The following ADCY10 variants were observed in gnomAD, a reference collection of about 807,000 sequenced individuals.
ADCY10 encodes adenylate cyclase 10, also known as adenylate cyclase type 10.
A neutral mutation model predicts 183.3 loss-of-function variants in ADCY10; 156 were observed. The observed-to-expected ratio is 0.85, with a 90% CI of 0.75 to 0.97. The LOEUF is 0.97. Among genes scored for constraint, ADCY10 ranks in the 50% least tolerant of loss-of-function variants. The pLI is 0.00. For synonymous variants in ADCY10, 645 were observed against 670.0 expected (o/e 0.96, Z 0.58); for missense variants, 1,745 against 1,934.3 (o/e 0.90, Z 1.84).
rs780180806 is a variant in ADCY10, at chr1:167,845,849, G to A, written c.2721C>T (p.His907=). The A allele has an allele frequency of 2.4e-5, 39 of 1,613,944 alleles. No homozygotes were observed. Among genetic ancestry groups the A allele is most frequent in the East Asian group, 6.7e-5 (3 of 44,896 alleles). The change falls in exon 21 of 33, where the codon CAC becomes CAT. Residue 907 remains histidine, a synonymous_variant. Transcript: ENST00000367851. ...GTTCACGAAGCTGTTCCTCTTCACC[G>A]TGATCTGGAGAGAGCAAAAAGGGTT... The part of the protein sequence containing the change: ...LSLKPSEGMD[H]GEEEQLRELE...
chr1:167,846,211 C>T lies in ADCY10; in HGVS notation c.2490G>A (p.Val830=), dbSNP rs1472088875. 1 of 1,614,092 alleles carries T rather than the reference C, an allele frequency of 6.2e-7. No homozygotes were observed. Among genetic ancestry groups the T allele is most frequent in the Non-Finnish European group, 8.5e-7 (1 of 1,180,058 alleles). Residue 830 remains valine, a synonymous_variant, in exon 20 of 33, where the codon GTG becomes GTA. Coordinates refer to ENST00000367851, the MANE Select transcript of ADCY10 (RefSeq NM_018417.6). ...TCAGGCCAATGATGGCAGCACATCTCACCAGCATTTGGTGGGAAAGTCTCA... is the reference window on the plus strand; with the variant it reads ...TCAGGCCAATGATGGCAGCACATCTTACCAGCATTTGGTGGGAAAGTCTCA... ...DSMRLSHQML[V]RCAAIIGLTF...
rs1669693550 is a variant in ADCY10 at position 167,904,651 on chromosome 1, T to C, written c.148+342A>G. The C allele has an allele frequency of 7.2e-5, 42 of 583,860 alleles. 1 individual carries two copies. The South Asian group carries it at 9.1e-4, about 13-fold the overall frequency. 36.2% of individuals were successfully genotyped at this position (583,860 alleles called of 1,614,324 possible). On this transcript the variant is annotated intron_variant, in intron 2 of 32. Transcript: ENST00000367851. ...TTATTAGTAAGATGTAAACATCATCTAGGGAGATCATTTCCTGAGGTCAAT... is the reference window on the plus strand; with the variant it reads ...TTATTAGTAAGATGTAAACATCATCCAGGGAGATCATTTCCTGAGGTCAAT...
chr1:167,843,560 C>G (rs1326677903), intron 21 of ADCY10, among the ~76,000 whole-genome samples: 1 of 152,106 alleles, frequency 6.6e-6, no homozygotes. Context: ...TCCCCCTTAT[C>G]CCTGTCTCAT....
chr1:167,869,664 G>GT (rs1234303740), intron 14 of ADCY10, among the ~76,000 whole-genome samples: 5 of 152,136 alleles, frequency 3.3e-5, no homozygotes, highest in Non-Finnish European at 7.4e-5. Context: ...GTTCTGTTCT[G>GT]TTTCACTGTG....
At chr1:167,901,908 A>G (rs1669454399) in intron 4 of ADCY10, 103 bp from the exon 5 acceptor site, 3 of 1,607,642 alleles carry the variant, frequency 1.9e-6, no homozygotes, top group Non-Finnish European at 2.6e-6. Flanking sequence ...TCCTCAGCCT[A>G]TCTCCTGGCC....
intron 21 of ADCY10, 56 bp from the exon 22 acceptor site, chr1:167,837,374 A>T (rs537334520): frequency 7.0e-7 from 1 of 1,437,002 alleles, no homozygotes; most frequent in East Asian, 2.3e-5. Context: ...TGCAGTGGAG[A>T]TATCTGCTGT....
intron 2 of ADCY10, chr1:167,904,740 A>C: frequency 3.3e-6 from 2 of 614,366 alleles, no homozygotes; most frequent in East Asian, 5.5e-5. Context: ...TGGGGCAGAG[A>C]TACTGGAGCA....
At chr1:167,886,167 T>A (rs990370893) in intron 8 of ADCY10, among the ~76,000 whole-genome samples, 11 of 152,166 alleles carry the variant, frequency 7.2e-5, no homozygotes, top group Non-Finnish European at 1.5e-4. Flanking sequence ...AAGCTACCAA[T>A]GACTTTCTTC....
intron 8 of ADCY10, among the ~76,000 whole-genome samples, chr1:167,888,976 G>GT (rs1385876445): frequency 6.6e-6 from 1 of 151,984 alleles, no homozygotes; most frequent in East Asian, 1.9e-4. Context: ...AGTTCTAATG[G>GT]TTTTTTGGTG....
rs373886057 is a variant in ADCY10 at position 167,883,579 on chromosome 1, G to A, written c.878C>T (p.Thr293Met). 15 of 1,614,072 alleles carry A rather than the reference G, an allele frequency of 9.3e-6. No individual in the cohort carries two copies. The highest frequency in any genetic ancestry group is 2.2e-5 in the South Asian group (2 of 91,092). ...AAACATCAGGTTCACAAACACAATC[G>A]TCACTGGGCGAAGCTCAGATAAATA... ...QGYLSELRPV[T>M]IVFVNLMFED... The change falls in exon 9 of 33, where the codon ACG (threonine) becomes ATG (methionine). Residue 293 changes from threonine to methionine, a missense_variant. Coordinates refer to ENST00000367851, the MANE Select transcript of ADCY10 (RefSeq NM_018417.6).
intron 26 of ADCY10, among the ~76,000 whole-genome samples, chr1:167,827,053 G>A (rs1558153050): frequency 6.6e-6 from 1 of 152,174 alleles, no homozygotes; most frequent in African/African-American, 2.4e-5. Context: ...GTAGAGGACA[G>A]ACTCCAGGTT....
At position 167,861,025 on chromosome 1, in the gene ADCY10, T is replaced by A. The variant is rs1666245679; in HGVS notation, c.1655A>T (p.Gln552Leu). The A allele has an allele frequency of 6.2e-7, 1 of 1,614,082 alleles. No individual in the cohort carries two copies. The highest frequency in any genetic ancestry group is 1.3e-5 in the African/African-American group (1 of 74,934). ...GAACATCTGGATGGTATAGAAAGTTTGATGGAAGCTGATCTTATTCAATGA... is the reference window on the plus strand; with the variant it reads ...GAACATCTGGATGGTATAGAAAGTTAGATGGAAGCTGATCTTATTCAATGA... ...AISLNKISFH[Q>L]TFYTIQMFMA... The change falls in exon 15 of 33, where the codon CAA becomes CTA. Residue 552 changes from glutamine (Q) to leucine (L), a missense_variant. Transcript: ENST00000367851.
rs745426103 is a variant in ADCY10, at chr1:167,824,731, A to G, written c.3875T>C (p.Ile1292Thr). ...CTCAGCCACGTATGCCACGATTTCA[A>G]TGCCCTCGCCTTTCAGGGGGAGGTT... ...IFNLPLKGEG[I>T]EIVAYVAETL... The change falls in exon 27 of 33, where the codon ATT (isoleucine) becomes ACT (threonine). Residue 1292 changes from isoleucine to threonine, a missense_variant. By Grantham distance (89) the Ile-to-Thr change is moderately conservative (BLOSUM62 -1). Transcript: ENST00000367851. The G allele has an allele frequency of 1.8e-4, 287 of 1,614,230 alleles. 1 individual carries two copies. In the South Asian group the frequency reaches 2.4e-3, roughly 13 times the overall value.
intron 24 of ADCY10, 124 bp downstream of exon 24, chr1:167,833,846 T>G (rs1663979647): frequency 6.5e-6 from 5 of 763,828 alleles, no homozygotes; most frequent in Admixed American, 2.1e-5. Context: ...GTTTCTAGAG[T>G]CTTGGCTAGA....
intron 8 of ADCY10, among the ~76,000 whole-genome samples, chr1:167,887,063 T>TA (rs1668272533): frequency 6.6e-6 from 1 of 152,212 alleles, no homozygotes; most frequent in Non-Finnish European, 1.5e-5. Flanking sequence ...CTGGAGAGGA[T>TA]GTGGAGAAAT....
At chr1:167,903,796 G>A (rs565869136) in intron 3 of ADCY10, 91 bp downstream of exon 3, 3 of 913,566 alleles carry the variant, frequency 3.3e-6, no homozygotes, top group Admixed American at 3.5e-5. Context: ...GGAGTGCTAA[G>A]CAATTGTACT....
chr1:167,884,704 T>A (rs1329559111), intron 8 of ADCY10, among the ~76,000 whole-genome samples: 1 of 148,452 alleles, frequency 6.7e-6, no homozygotes, highest in African/African-American at 2.5e-5. Context: ...ATTTTTTTTT[T>A]TTTTTTTTTT....
chr1:167,860,692 G>A (rs1666223824), intron 15 of ADCY10, among the ~76,000 whole-genome samples, 179 bp downstream of exon 15: 1 of 152,186 alleles, frequency 6.6e-6, no homozygotes, highest in Admixed American at 6.5e-5. Flanking sequence ...GATATTTCAA[G>A]ATACCTCTAA....
intron 8 of ADCY10, among the ~76,000 whole-genome samples, chr1:167,891,112 C>A (rs1222812976): frequency 1.3e-5 from 2 of 151,994 alleles, no homozygotes; most frequent in Admixed American, 6.5e-5. Context: ...CAGGTGTGTG[C>A]CACCGCGCCT....
Sources: allele counts gnomAD v4.1 joint callset (sites outside exome capture counted in the v4.1 genomes callset), GRCh38; gene constraint gnomAD v4.1.1; transcripts MANE v1.5; gene names NCBI Gene and HGNC (gene_info 2026-07-23, HGNC 2026-07-21).